Variants in KCNQ5 observed in about 807,000 individuals in gnomAD.
KCNQ5 encodes the protein potassium voltage-gated channel subfamily Q member 5.
In KCNQ5, 30 loss-of-function variants were observed where a neutral mutation model predicts 98.2. That is an observed-to-expected ratio of 0.31 (90% CI 0.23 to 0.41). KCNQ5 has a LOEUF of 0.41. Ranked by LOEUF, KCNQ5 falls within the 10% of genes least tolerant of loss-of-function variation. The pLI is 1.00. For missense variants in KCNQ5, 835 were observed against 1,182.5 expected (o/e 0.71, Z 4.31); for synonymous variants, 458 against 449.4 (o/e 1.02, Z -0.24).
intron 5 of KCNQ5, among the ~76,000 whole-genome samples, chr6:73,081,112 A>T (rs1412275747): frequency 1.3e-5 from 2 of 152,216 alleles, no homozygotes; most frequent in Non-Finnish European, 1.5e-5. Context: ...TACAAAAGGA[A>T]CAAAAAAAGA....
At chr6:72,768,612 A>G (rs1755444051) in intron 1 of KCNQ5, among the ~76,000 whole-genome samples, 1 of 151,998 alleles carries the variant, frequency 6.6e-6, no homozygotes, top group African/African-American at 2.4e-5. Flanking sequence ...TGAAACTTAG[A>G]TAGAGATGGG....
At chr6:72,944,009 G>A (rs780853742) in intron 1 of KCNQ5, among the ~76,000 whole-genome samples, 1 of 152,160 alleles carries the variant, frequency 6.6e-6, no homozygotes, top group Non-Finnish European at 1.5e-5. Flanking sequence ...ATCAGAGAAA[G>A]TATCAGAGCC....
intron 1 of KCNQ5, among the ~76,000 whole-genome samples, chr6:72,951,110 G>A (rs1456040784): frequency 6.6e-6 from 1 of 152,112 alleles, no homozygotes; most frequent in Non-Finnish European, 1.5e-5. Context: ...ACATGCAAAG[G>A]AAGTATTTGA....
chr6:73,193,084 G>A (rs1765654702), intron 13 of KCNQ5, among the ~76,000 whole-genome samples: 2 of 140,944 alleles, frequency 1.4e-5, no homozygotes, highest in South Asian at 4.4e-4. Context: ...GTAGTGGCAT[G>A]CTCCCAGCTC....
rs369999906 is a variant in KCNQ5, at chr6:72,761,182, G to C, written c.398+138595G>C. Among the ~76,000 whole-genome samples, 230 of 152,176 alleles carry C rather than the reference G, an allele frequency of 1.5e-3. 2 individuals carry two copies. The highest frequency in any genetic ancestry group is 5.2e-3 in the African/African-American group (218 of 41,532). On this transcript the variant is annotated intron_variant, in intron 1 of 13. Coordinates refer to ENST00000370398, the MANE Select transcript of KCNQ5 (RefSeq NM_019842.4). ...AGATTAAAATTTCAAAAAATATTAA[G>C]AGCTAAGAATGATGAACTTATTTCT...
chr6:73,187,648 A>G (rs1334206524), intron 11 of KCNQ5, among the ~76,000 whole-genome samples: 1 of 152,218 alleles, frequency 6.6e-6, no homozygotes, highest in Non-Finnish European at 1.5e-5. Context: ...GAGTATATTG[A>G]AATAACATAA....
rs72935456 is a variant in KCNQ5, at chr6:72,719,796, C to T, written c.398+97209C>T. Among the ~76,000 whole-genome samples, 1,214 of 152,238 alleles carry T rather than the reference C, an allele frequency of 8.0e-3. 6 individuals carry two copies. Among genetic ancestry groups the T allele is most frequent in the Non-Finnish European group, 0.014 (930 of 68,014 alleles). Reference sequence around the variant, plus strand: ...ACTCTCTCAGCACCAGCTCTAGAACCCTCTAATGCAGGCAGTTCTCTAGAC... The same window carrying T: ...ACTCTCTCAGCACCAGCTCTAGAACTCTCTAATGCAGGCAGTTCTCTAGAC... On this transcript the variant is annotated intron_variant, in intron 1 of 13. Transcript: ENST00000370398.
intron 3 of KCNQ5, among the ~76,000 whole-genome samples, chr6:73,073,431 C>T (rs1356144386): frequency 6.6e-6 from 1 of 152,182 alleles, no homozygotes; most frequent in Non-Finnish European, 1.5e-5. Flanking sequence ...TGGTTAGCAG[C>T]AACCCTAGTC....
chr6:72,984,227 C>A (rs1272656157), intron 1 of KCNQ5, among the ~76,000 whole-genome samples: 2 of 152,186 alleles, frequency 1.3e-5, no homozygotes, highest in Non-Finnish European at 2.9e-5. Flanking sequence ...GCTGGGAGAA[C>A]CACTGCTCTC....
At chr6:72,904,434 T>C (rs996272403) in intron 1 of KCNQ5, among the ~76,000 whole-genome samples, 2 of 152,324 alleles carry the variant, frequency 1.3e-5, no homozygotes, top group Admixed American at 1.3e-4. Flanking sequence ...TGTTTGGTTT[T>C]TTAAATTGTA....
At chr6:72,909,984 T>C (rs1047733515) in intron 1 of KCNQ5, among the ~76,000 whole-genome samples, 4 of 152,194 alleles carry the variant, frequency 2.6e-5, no homozygotes, top group Non-Finnish European at 1.5e-5. Context: ...TGAATGTGAC[T>C]GACTTTCTTT....
intron 11 of KCNQ5, among the ~76,000 whole-genome samples, chr6:73,182,495 A>G (rs1347991856): frequency 6.6e-6 from 1 of 152,148 alleles, no homozygotes. Context: ...ACCTGCCAAC[A>G]AGGACTCCCC....
At chr6:72,770,351 G>A (rs1198538178) in intron 1 of KCNQ5, among the ~76,000 whole-genome samples, 1 of 152,090 alleles carries the variant, frequency 6.6e-6, no homozygotes, top group Non-Finnish European at 1.5e-5. Context: ...TGTTAAAGAT[G>A]ATAAAGCATT....
rs368983403 is a variant in KCNQ5 at position 72,920,554 on chromosome 6, AC to A, written c.399-83353del. Reference sequence around the variant, plus strand: ...AAGCCTCTTTCTGAAGACTTCTGCCACTCAGGTGTTATTTCAGAATCAGGAA... The same window carrying A: ...AAGCCTCTTTCTGAAGACTTCTGCCATCAGGTGTTATTTCAGAATCAGGAA... On this transcript the variant is annotated intron_variant, in intron 1 of 13. Transcript: ENST00000370398. 5.9e-3 allele frequency among the ~76,000 whole-genome samples: 892 copies of A among 152,284 alleles called. 10 individuals are homozygous for A. Among genetic ancestry groups the A allele is most frequent in the African/African-American group, 0.021 (867 of 41,558 alleles).
intron 1 of KCNQ5, among the ~76,000 whole-genome samples, chr6:72,834,651 G>A (rs1335785573): frequency 2.0e-5 from 3 of 152,098 alleles, no homozygotes; most frequent in Admixed American, 1.3e-4. Flanking sequence ...TTTAGGATTG[G>A]CCCTTTGCTG....
chr6:72,639,948 T>G (rs1037092114), intron 1 of KCNQ5, among the ~76,000 whole-genome samples: 4 of 151,774 alleles, frequency 2.6e-5, no homozygotes, highest in African/African-American at 7.3e-5. Flanking sequence ...AAAGTTTAGG[T>G]TGGTTAAAAA....
At chr6:72,682,414 TC>T (rs747612666) in intron 1 of KCNQ5, among the ~76,000 whole-genome samples, 9 of 152,190 alleles carry the variant, frequency 5.9e-5, no homozygotes, top group Non-Finnish European at 1.3e-4. Flanking sequence ...TCTGATTCTC[TC>T]CTTATTTTCA....
chr6:73,194,726 C>T lies in KCNQ5; in HGVS notation c.2111C>T (p.Ala704Val), dbSNP rs776285517. Residue 704 changes from alanine (A) to valine (V), a missense_variant, in exon 14 of 14, where the codon GCG becomes GTG. Around this residue, in one of 10 missense-constraint regions of KCNQ5, gnomAD observed 416 missense variants for 446.9 expected, o/e 0.93. Coordinates refer to ENST00000370398, the MANE Select transcript of KCNQ5 (RefSeq NM_019842.4). ...PNEFSAQTFY[A>V]LSPTMHSQAT... ...GAGTTCAGTGCCCAGACTTTCTACG[C>T]GCTTAGCCCTACTATGCACAGTCAA... 67 of 1,614,110 alleles carry T rather than the reference C, an allele frequency of 4.2e-5. No homozygotes were observed. The highest frequency in any genetic ancestry group is 5.3e-5 in the Non-Finnish European group (63 of 1,180,042).
intron 2 of KCNQ5, among the ~76,000 whole-genome samples, chr6:73,031,333 G>A (rs751183545): frequency 8.5e-5 from 13 of 152,302 alleles, no homozygotes; most frequent in South Asian, 4.1e-4. Flanking sequence ...GCAGTAAGAA[G>A]CCATTCACCC....
Sources: allele counts gnomAD v4.1 joint callset (sites outside exome capture counted in the v4.1 genomes callset), GRCh38; gene constraint gnomAD v4.1.1; regional missense constraint gnomAD v4.1.1; transcripts MANE v1.5; gene names NCBI Gene and HGNC (gene_info 2026-07-23, HGNC 2026-07-21).